Variants in SLC16A1 observed in about 807,000 individuals in gnomAD.
SLC16A1 encodes the protein monocarboxylate transporter 1.
In SLC16A1, 11 loss-of-function variants were observed where a neutral mutation model predicts 32.2. That is an observed-to-expected ratio of 0.34 (90% CI 0.21 to 0.56). SLC16A1 has a LOEUF of 0.56. Ranked by LOEUF, SLC16A1 falls within the 20% of genes least tolerant of loss-of-function variation. The pLI is 0.87. For missense variants in SLC16A1, 435 were observed against 615.0 expected (o/e 0.71, Z 3.10); for synonymous variants, 231 against 226.8 (o/e 1.02, Z -0.17).
intron 1 of SLC16A1, among the ~76,000 whole-genome samples, chr1:112,940,808 TAAA>T (rs536366901): frequency 2.0e-5 from 3 of 152,162 alleles, no homozygotes; most frequent in African/African-American, 7.2e-5. Flanking sequence ...TTTAGTCAGT[TAAA>T]AAAGAACATG....
At chr1:112,920,521 G>C (rs1158289861) in intron 3 of SLC16A1, among the ~76,000 whole-genome samples, 1 of 152,082 alleles carries the variant, frequency 6.6e-6, no homozygotes, top group Non-Finnish European at 1.5e-5. Flanking sequence ...CAGGAGAATC[G>C]CTTGAACCCA....
chr1:112,922,060 G>C lies in SLC16A1; in HGVS notation c.291C>G (p.Gly97=), dbSNP rs777566609. The C allele has an allele frequency of 5.6e-6, 9 of 1,614,154 alleles. No individual in the cohort carries two copies. Among genetic ancestry groups the C allele is most frequent in the Admixed American group, 3.3e-5 (2 of 60,022 alleles). The change falls in exon 3 of 5, where the codon GGC becomes GGG. Residue 97 remains glycine (G), a synonymous_variant. Coordinates refer to ENST00000369626, the MANE Select transcript of SLC16A1 (RefSeq NM_003051.4). ...AGAAAGAAGCTGCAATCAAGCCACA[G>C]CCTGACAAGCAGCCACCAACAATCA... The part of the protein sequence containing the change: ...IVMIVGGCLS[G]CGLIAASFCN...
At chr1:112,952,691 G>A (rs754600030) in intron 1 of SLC16A1, among the ~76,000 whole-genome samples, 12 of 152,042 alleles carry the variant, frequency 7.9e-5, no homozygotes, top group Non-Finnish European at 1.2e-4. Context: ...AAATCGTGTC[G>A]CTCAACTCTT....
intron 3 of SLC16A1, among the ~76,000 whole-genome samples, chr1:112,920,941 T>C (rs1480151690): frequency 6.6e-6 from 1 of 151,788 alleles, no homozygotes; most frequent in Non-Finnish European, 1.5e-5. Context: ...AGATCGACTA[T>C]ACTGACTAAT....
Position 112,923,392 on chromosome 1 carries a change from CGGGCT to C in SLC16A1, c.218-1264_218-1260del, listed in dbSNP as rs1648809313. The stretch of plus-strand genomic sequence containing the variant: ...GCTTCCAACCACTGCACGTTGCTCC[CGGGCT>C]GTCGCAGTCTCCTGTTGCCGCCATC... On this transcript the variant is annotated intron_variant, in intron 2 of 4. Transcript: ENST00000369626. 4 of 614,404 alleles carry C rather than the reference CGGGCT, an allele frequency of 6.5e-6. No individual in the cohort carries two copies. The South Asian group carries it at 6.9e-5, about 11-fold the overall frequency. The allele number at this position is 614,404 out of a possible 1,614,324, so 38.1% of individuals were successfully genotyped here. A position where few individuals can be genotyped will look rare whatever the true frequency, so the allele number is the denominator to read the frequency against.
At chr1:112,924,249 G>A in intron 2 of SLC16A1, 4 of 1,509,276 alleles carry the variant, frequency 2.7e-6, no homozygotes, top group Non-Finnish European at 3.7e-6. Context: ...GAACTTGGCA[G>A]CGGCAGAGGA....
rs558004103 is a variant in SLC16A1 at position 112,945,290 on chromosome 1, T to C, written c.-45+10745A>G. ...GCTTATAGGCATAAGCCACTGTGCC[T>C]GGCCGGAAACATTTTTTGATGTGTC... is the stretch of plus-strand genomic sequence containing the variant. On this transcript the variant is annotated intron_variant, in intron 1 of 4. Coordinates refer to ENST00000369626, the MANE Select transcript of SLC16A1 (RefSeq NM_003051.4). Among the ~76,000 whole-genome samples, 125 of 152,146 alleles carry C rather than the reference T, an allele frequency of 8.2e-4. 4 individuals carry two copies. In the South Asian group the frequency reaches 0.025, roughly 30 times the overall value.
At chr1:112,930,161 A>G (rs899779806) in intron 1 of SLC16A1, among the ~76,000 whole-genome samples, 1 of 152,236 alleles carries the variant, frequency 6.6e-6, no homozygotes, top group Non-Finnish European at 1.5e-5. Flanking sequence ...TCACAAGTAC[A>G]GGTGACAAGC....
chr1:112,939,926 C>A (rs942747175), intron 1 of SLC16A1, among the ~76,000 whole-genome samples: 20 of 151,828 alleles, frequency 1.3e-4, no homozygotes, highest in African/African-American at 4.4e-4. Context: ...GACAACAAAT[C>A]TCAAAGTTTT....
chr1:112,950,567 T>C (rs1222868239), intron 1 of SLC16A1, among the ~76,000 whole-genome samples: 1 of 152,236 alleles, frequency 6.6e-6, no homozygotes, highest in Non-Finnish European at 1.5e-5. Flanking sequence ...ATAGTGTAGA[T>C]AACCAACAGA....
chr1:112,924,148 C>T (rs549459365), intron 2 of SLC16A1: 58 of 1,445,768 alleles, frequency 4.0e-5, no homozygotes, highest in South Asian at 1.0e-4. Flanking sequence ...ACCTCGGCTG[C>T]CCTCTGGTGG....
At chr1:112,948,064 C>CA (rs1649761455) in intron 1 of SLC16A1, among the ~76,000 whole-genome samples, 1 of 151,990 alleles carries the variant, frequency 6.6e-6, no homozygotes, top group African/African-American at 2.4e-5. Context: ...ACTAAAAATA[C>CA]AAAAAATTAG....
intron 1 of SLC16A1, among the ~76,000 whole-genome samples, chr1:112,940,978 A>G (rs1649487390): frequency 6.6e-6 from 1 of 152,174 alleles, no homozygotes; most frequent in Admixed American, 6.5e-5. Context: ...AGTGTGAGCT[A>G]AACTTTGGGT....
At chr1:112,932,988 T>C (rs749229025) in intron 1 of SLC16A1, among the ~76,000 whole-genome samples, 1 of 151,954 alleles carries the variant, frequency 6.6e-6, no homozygotes, top group Non-Finnish European at 1.5e-5. Flanking sequence ...AATCCAAATA[T>C]GAAAACATTT....
chr1:112,912,739 C>G lies in SLC16A1; in HGVS notation c.*1152G>C, dbSNP rs865824562. 18 of 152,014 alleles carry G rather than the reference C, an allele frequency of 1.2e-4. No individual in the cohort carries two copies. The highest frequency in any genetic ancestry group is 3.9e-4 in the African/African-American group (16 of 41,392). The allele number at this position is 152,014 out of a possible 1,614,324, so 9.4% of individuals were successfully genotyped here. A position where few individuals can be genotyped will look rare whatever the true frequency, so the allele number is the denominator to read the frequency against. ...ACTAAGCACACTTAGCAACTTCTTT[C>G]CCAATCCTATCTTTATTCGTTTGCC... On this transcript the variant is annotated 3_prime_UTR_variant, in exon 5 of 5. Transcript: ENST00000369626.
intron 1 of SLC16A1, among the ~76,000 whole-genome samples, chr1:112,944,754 G>A (rs759585106): frequency 3.9e-5 from 6 of 152,094 alleles, no homozygotes; most frequent in African/African-American, 1.2e-4. Flanking sequence ...GTGCAGTGGT[G>A]CAGTCTTGGC....
At chr1:112,923,129 G>C (rs552542478) in intron 2 of SLC16A1, among the ~76,000 whole-genome samples, 1 of 151,938 alleles carries the variant, frequency 6.6e-6, no homozygotes, top group Admixed American at 6.5e-5. Flanking sequence ...AGACCAGCCT[G>C]ACCGACATGG....
intron 1 of SLC16A1, among the ~76,000 whole-genome samples, chr1:112,939,690 G>T (rs952338085): frequency 1.3e-5 from 2 of 151,982 alleles, no homozygotes; most frequent in Non-Finnish European, 2.9e-5. Context: ...ATTATTAGTA[G>T]GAAGGGGTTT....
In SLC16A1 at chr1:112,917,485, A is replaced by G. The variant is rs754261569; in HGVS notation, c.921T>C (p.Phe307=). The change falls in exon 4 of 5, where the codon TTT becomes TTC. Residue 307 remains phenylalanine, a synonymous_variant. Coordinates refer to ENST00000369626, the MANE Select transcript of SLC16A1 (RefSeq NM_003051.4). This position sits in a 1 kb window ranked among gnomAD's most constrained non-coding sequence, Gnocchi z 4.1. ...KSAFLLSILA[F]VDMVARPSMG... is the part of the protein sequence containing the mutation. ...TAGATGGTCGGGCTACCATGTCAAC[A>G]AAAGCCAGAATGGAAAGAAGGAAGG... 57 of 1,614,094 alleles carry G rather than the reference A, an allele frequency of 3.5e-5. No homozygotes were observed. The highest frequency in any genetic ancestry group is 2.6e-5 in the Non-Finnish European group (31 of 1,180,048).
Sources: gnomAD v4.1 joint callset for allele counts (sites outside exome capture counted in the v4.1 genomes callset) on GRCh38, gnomAD v4.1.1 for gene constraint, Gnocchi (gnomAD v3.1) non-coding constraint, MANE v1.5 for transcripts, NCBI Gene and HGNC (gene_info 2026-07-23, HGNC 2026-07-21) for gene names.